Variants in PDS5A observed in about 807,000 individuals in gnomAD.
The protein encoded by PDS5A is PDS5 cohesin associated factor A.
PDS5A carries 42 observed loss-of-function variants against 167.1 expected under a neutral mutation model. That is an observed-to-expected ratio of 0.25 (90% CI 0.20 to 0.33). PDS5A has a LOEUF of 0.33. Among genes scored for constraint, PDS5A ranks in the 10% least tolerant of loss-of-function variants. PDS5A has a pLI of 1.00. For missense variants in PDS5A, 1,033 were observed against 1,605.9 expected, an observed-to-expected ratio of 0.64 and a Z score of 6.10; for synonymous variants, 553 against 554.6, an observed-to-expected ratio of 1.00 and a Z score of 0.04.
At chr4:39,926,932 CT>C (rs1374452452) in intron 3 of PDS5A, 71 bp from the exon 4 acceptor site, 63 of 1,205,454 alleles carry the variant, frequency 5.2e-5, no homozygotes, top group Non-Finnish European at 6.6e-5. Context: ...TAGTATGTAA[CT>C]TTATTATTTG....
Position 39,837,836 on chromosome 4 carries a change from G to T in PDS5A, c.4010+20C>A. 1 of 1,549,042 alleles carries T rather than the reference G, an allele frequency of 6.5e-7. No individual in the cohort carries two copies. The highest frequency in any genetic ancestry group is 8.8e-7 in the Non-Finnish European group (1 of 1,137,864). ...ACAAAATGTCTAAATTCCCACTTGAGGAAGAATGGCGTACATTACCTTTGT... is the reference window on the plus strand; with the variant it reads ...ACAAAATGTCTAAATTCCCACTTGATGAAGAATGGCGTACATTACCTTTGT... On this transcript the variant is annotated intron_variant, in intron 32 of 32. Coordinates refer to ENST00000303538, the MANE Select transcript of PDS5A (RefSeq NM_001100399.2).
intron 2 of PDS5A, among the ~76,000 whole-genome samples, chr4:39,961,092 A>C (rs1729436730): frequency 6.6e-6 from 1 of 152,132 alleles, no homozygotes; most frequent in Non-Finnish European, 1.5e-5. Flanking sequence ...TACAGGCATG[A>C]GCCACCACAA....
At chr4:39,954,806 A>G (rs955451690) in intron 2 of PDS5A, among the ~76,000 whole-genome samples, 2 of 151,554 alleles carry the variant, frequency 1.3e-5, no homozygotes, top group Non-Finnish European at 2.9e-5. Context: ...ACACTTTGGG[A>G]GGCTGAGGCA....
chr4:39,890,966 C>T (rs1721907426), intron 16 of PDS5A, among the ~76,000 whole-genome samples: 1 of 151,784 alleles, frequency 6.6e-6, no homozygotes, highest in African/African-American at 2.4e-5. Flanking sequence ...ACAATTTGTA[C>T]TTTTATGGGT....
intron 16 of PDS5A, among the ~76,000 whole-genome samples, chr4:39,894,437 A>G (rs1290531185): frequency 1.3e-5 from 2 of 152,020 alleles, no homozygotes; most frequent in Non-Finnish European, 2.9e-5. Context: ...AAGTAAGTAA[A>G]TAAAATTTAA....
chr4:39,935,724 T>A (rs1726532278), intron 2 of PDS5A, among the ~76,000 whole-genome samples: 1 of 152,152 alleles, frequency 6.6e-6, no homozygotes, highest in African/African-American at 2.4e-5. Context: ...CAACTCAACA[T>A]AAAAATGAGG....
chr4:39,897,977 T>C (rs905980597), intron 16 of PDS5A: 7 of 877,204 alleles, frequency 8.0e-6, no homozygotes, highest in African/African-American at 3.6e-5. Context: ...AAAGTCTAGA[T>C]AGGAATTTAC....
intron 9 of PDS5A, among the ~76,000 whole-genome samples, chr4:39,911,066 C>T (rs1255873506): frequency 1.3e-5 from 2 of 151,982 alleles, no homozygotes; most frequent in African/African-American, 2.4e-5. Flanking sequence ...CCCAGGAGGT[C>T]GAGGCTGCAG....
intron 14 of PDS5A, among the ~76,000 whole-genome samples, chr4:39,900,161 A>G (rs1457606765): frequency 1.3e-5 from 2 of 152,150 alleles, no homozygotes; most frequent in African/African-American, 4.8e-5. Context: ...TAATTATTTG[A>G]AAATTGATTA....
chr4:39,894,486 C>T (rs1722228833), intron 16 of PDS5A, among the ~76,000 whole-genome samples: 1 of 152,076 alleles, frequency 6.6e-6, no homozygotes, highest in South Asian at 2.1e-4. Flanking sequence ...GGGCATTTGG[C>T]ACATCCACAT....
At chr4:39,890,416 G>T in intron 16 of PDS5A, 52 bp from the exon 17 acceptor site, 1 of 997,030 alleles carries the variant, frequency 1.0e-6, no homozygotes, top group Middle Eastern at 2.1e-4. Flanking sequence ...TCATATTTTT[G>T]AAAAGAAAAA....
intron 3 of PDS5A, 67 bp from the exon 4 acceptor site, chr4:39,926,928 G>T (rs1215766066): frequency 8.2e-7 from 1 of 1,223,620 alleles, no homozygotes; most frequent in Admixed American, 3.9e-5. Context: ...CTAATAGTAT[G>T]TAACTTTATT....
chr4:39,957,239 A>G (rs758852891), intron 2 of PDS5A, among the ~76,000 whole-genome samples: 2 of 152,106 alleles, frequency 1.3e-5, no homozygotes, highest in Non-Finnish European at 2.9e-5. Flanking sequence ...TCAATTTACT[A>G]TTAAGGTTTA....
At chr4:39,873,440 C>T (rs1045153804) in intron 20 of PDS5A, among the ~76,000 whole-genome samples, 3 of 152,114 alleles carry the variant, frequency 2.0e-5, no homozygotes, top group Admixed American at 6.5e-5. Context: ...TTTGACTAAT[C>T]TACAACAATG....
Position 39,922,816 on chromosome 4 carries a change from G to A in PDS5A, c.528-68C>T, listed in dbSNP as rs1725112804. Reference sequence around the variant, plus strand: ...AAGAAGAGAATTCAAGCTTCTAATAGGAAATTAAACGTCCTAGTTTAAAAC... The same window carrying A: ...AAGAAGAGAATTCAAGCTTCTAATAAGAAATTAAACGTCCTAGTTTAAAAC... On this transcript the variant is annotated intron_variant, in intron 5 of 32. Transcript: ENST00000303538. 4.4e-6 allele frequency: 6 copies of A among 1,358,132 alleles called. No homozygotes were observed. In the South Asian group the frequency reaches 8.6e-5, roughly 19 times the overall value. 84.1% of individuals were successfully genotyped at this position (1,358,132 alleles called of 1,614,324 possible).
intron 2 of PDS5A, among the ~76,000 whole-genome samples, chr4:39,970,162 C>G (rs1730367614): frequency 6.6e-6 from 1 of 151,730 alleles, no homozygotes; most frequent in Non-Finnish European, 1.5e-5. Context: ...TAATGTAGAA[C>G]CTTAAAGGCT....
At chr4:39,845,968 A>G in intron 28 of PDS5A, 88 bp from the exon 29 acceptor site, 1 of 1,077,312 alleles carries the variant, frequency 9.3e-7, no homozygotes. Context: ...CTTTTTAGGT[A>G]TTGTGCCTTG....
At chr4:39,840,657 A>T (rs186559049) in intron 31 of PDS5A, among the ~76,000 whole-genome samples, 21 of 151,942 alleles carry the variant, frequency 1.4e-4, no homozygotes, top group African/African-American at 5.1e-4. Context: ...CGGCCTCCCA[A>T]CGTGTTGGAA....
Position 39,976,441 on chromosome 4 carries a change from T to C in PDS5A, c.137A>G (p.Lys46Arg). The change falls in exon 2 of 33, where the codon AAG becomes AGG. Residue 46 changes from lysine (K) to arginine (R), a missense_variant and splice_region_variant. By Grantham distance (26) the Lys-to-Arg change is conservative (BLOSUM62 2). Transcript: ENST00000303538. ...ITTDEMIKRL[K>R]MVVKTFMDMD... ...ATCAAAATCCGTCCAGACACTTACCTTCAGGCGTTTGATCATCTCGTCCGT... is the reference window on the plus strand; with the variant it reads ...ATCAAAATCCGTCCAGACACTTACCCTCAGGCGTTTGATCATCTCGTCCGT... 6.2e-7 allele frequency: 1 copy of C among 1,611,824 alleles called. No individual in the cohort carries two copies. Among genetic ancestry groups the C allele is most frequent in the Non-Finnish European group, 8.5e-7 (1 of 1,178,172 alleles).
Sources: allele counts gnomAD v4.1 joint callset (sites outside exome capture counted in the v4.1 genomes callset), GRCh38; gene constraint gnomAD v4.1.1; transcripts MANE v1.5; gene names NCBI Gene and HGNC (gene_info 2026-07-23, HGNC 2026-07-21).